Variants in RAPH1 observed in about 807,000 individuals in gnomAD.
The protein encoded by RAPH1 is Ras association (RalGDS/AF-6) and pleckstrin homology domains 1.
RAPH1 carries 18 observed loss-of-function variants against 88.1 expected under a neutral mutation model. That is an observed-to-expected ratio of 0.20 (90% CI 0.14 to 0.30). The LOEUF (loss-of-function observed/expected upper bound fraction) is 0.30, where lower values mean the gene tolerates loss of function less well. RAPH1 is among the 10% of genes least tolerant of loss of function. The pLI, the probability that RAPH1 is intolerant of heterozygous loss-of-function variation, is 1.00. For missense variants in RAPH1, 1,448 were observed against 1,543.2 expected (o/e 0.94, Z 1.03); for synonymous variants, 587 against 559.0 (o/e 1.05, Z -0.71).
chr2:203,525,339 CCAT>C (rs533798729), intron 1 of RAPH1, among the ~76,000 whole-genome samples: 114 of 152,166 alleles, frequency 7.5e-4, no homozygotes, highest in African/African-American at 2.6e-3. Flanking sequence ...GCGCCCACCA[CCAT>C]GCCAATTTTT....
In RAPH1 at chr2:203,440,120, G is replaced by A. The variant is rs371156191; in HGVS notation, c.3070C>T (p.Pro1024Ser). ...SKETLPPPAA[P>S]PKPGKLNLSG... ...AGATTGAGTTTTCCAGGCTTGGGGGGTGCTGCAGGAGGTGGTAGGGTCTCC... is the reference window on the plus strand; with the variant it reads ...AGATTGAGTTTTCCAGGCTTGGGGGATGCTGCAGGAGGTGGTAGGGTCTCC... Residue 1024 changes from proline (P) to serine (S), a missense_variant, in exon 14 of 14, where the codon CCC (proline) becomes TCC (serine). By Grantham distance (74) the Pro-to-Ser change is moderately conservative (BLOSUM62 -1). Around this residue, in one of 2 missense-constraint regions of RAPH1, gnomAD observed 935 missense variants for 890.1 expected, o/e 1.05. Transcript: ENST00000319170. 1.2e-6 allele frequency: 2 copies of A among 1,613,490 alleles called. No individual in the cohort carries two copies. Among genetic ancestry groups the A allele is most frequent in the South Asian group, 1.1e-5 (1 of 91,082 alleles).
chr2:203,453,414 C>T (rs560487230), intron 10 of RAPH1, among the ~76,000 whole-genome samples: 40 of 151,852 alleles, frequency 2.6e-4, no homozygotes, highest in African/African-American at 9.7e-4. Context: ...GGTGTGGTGG[C>T]ATGCACCTCA....
chr2:203,530,163 C>T (rs1287445340), intron 1 of RAPH1, among the ~76,000 whole-genome samples: 1 of 152,090 alleles, frequency 6.6e-6, no homozygotes, highest in African/African-American at 2.4e-5. Context: ...ATGAAAAATA[C>T]CTTAATAGCA....
chr2:203,482,832 A>AAAAC (rs371640665), intron 4 of RAPH1, among the ~76,000 whole-genome samples: 81 of 115,804 alleles, frequency 7.0e-4, no homozygotes, highest in African/African-American at 3.4e-3. Context: ...AAAACAAAAC[A>AAAAC]AAAAAAAGGT....
intron 4 of RAPH1, among the ~76,000 whole-genome samples, chr2:203,464,343 C>T (rs1333515564): frequency 6.6e-6 from 1 of 152,216 alleles, no homozygotes; most frequent in Admixed American, 6.5e-5. Flanking sequence ...ATGATCTTGG[C>T]TCACTGCAAC....
At chr2:203,529,959 C>T (rs912170330) in intron 1 of RAPH1, among the ~76,000 whole-genome samples, 2 of 152,150 alleles carry the variant, frequency 1.3e-5, no homozygotes, top group African/African-American at 4.8e-5. Context: ...ACTGATTCCT[C>T]GTATTTTATA....
At chr2:203,472,375 G>A (rs1047935964) in intron 4 of RAPH1, among the ~76,000 whole-genome samples, 4 of 152,070 alleles carry the variant, frequency 2.6e-5, no homozygotes, top group African/African-American at 4.8e-5. Flanking sequence ...AAGGTGATCC[G>A]CCCGCCTTGG....
intron 2 of RAPH1, 148 bp from the exon 3 acceptor site, chr2:203,491,467 T>C: frequency 3.7e-6 from 2 of 538,114 alleles, no homozygotes; most frequent in Non-Finnish European, 6.5e-6. Flanking sequence ...AGGAAAAGTA[T>C]AATTGTATTT....
At position 203,439,671 on chromosome 2, in the gene RAPH1, C is replaced by G. The variant is rs2098501476; in HGVS notation, c.3519G>C (p.Leu1173=). The change falls in exon 14 of 14, where the codon CTG becomes CTC. Residue 1173 remains leucine (L), a synonymous_variant. Coordinates refer to ENST00000319170, the MANE Select transcript of RAPH1 (RefSeq NM_213589.3). ...PGFLADLNRT[L]QRKSITRHGS... is the part of the protein sequence containing the mutation. ...CGTGCCGAGTGATGGACTTTCGTTG[C>G]AGTGTCCTGTTGAGGTCAGCCAGGA... 1 of 1,614,082 alleles carries G rather than the reference C, an allele frequency of 6.2e-7. No homozygotes were observed. Among genetic ancestry groups the G allele is most frequent in the Non-Finnish European group, 8.5e-7 (1 of 1,180,016 alleles).
At chr2:203,488,835 A>C (rs1688110464) in intron 4 of RAPH1, among the ~76,000 whole-genome samples, 1 of 151,960 alleles carries the variant, frequency 6.6e-6, no homozygotes, top group Admixed American at 6.6e-5. Flanking sequence ...TCAATAATGA[A>C]ATGGAGGGCC....
In RAPH1 at chr2:203,434,231, A is replaced by ACAT. The variant is rs1216988802; in HGVS notation, c.*5203_*5205dup. ...TGAATAATAATGTCCTCTACCTGGT[A>ACAT]CATTATAATGAAGTTCCTTGTCTTC... is the stretch of plus-strand genomic sequence containing the variant. On this transcript the variant is annotated 3_prime_UTR_variant, in exon 14 of 14. Transcript: ENST00000319170. 1.3e-5 allele frequency: 2 copies of ACAT among 152,580 alleles called. No individual in the cohort carries two copies. Among genetic ancestry groups the ACAT allele is most frequent in the African/African-American group, 4.8e-5 (2 of 41,426 alleles). The allele number at this position is 152,580 out of a possible 1,614,324, so 9.5% of individuals were successfully genotyped here.
At chr2:203,500,142 T>C (rs543351120) in intron 1 of RAPH1, among the ~76,000 whole-genome samples, 1 of 152,140 alleles carries the variant, frequency 6.6e-6, no homozygotes, top group African/African-American at 2.4e-5. Context: ...TATAATCTAG[T>C]AGGGAACAGA....
intron 10 of RAPH1, among the ~76,000 whole-genome samples, chr2:203,449,647 A>G (rs1346756377): frequency 1.3e-5 from 2 of 152,206 alleles, no homozygotes; most frequent in Non-Finnish European, 2.9e-5. Flanking sequence ...TATGAACACC[A>G]CATCTCTTTT....
chr2:203,440,602 T>C lies in RAPH1; in HGVS notation c.2588A>G (p.Lys863Arg), dbSNP rs758856287. 1 of 1,555,244 alleles carries C rather than the reference T, an allele frequency of 6.4e-7. No individual in the cohort carries two copies. The highest frequency in any genetic ancestry group is 8.7e-7 in the Non-Finnish European group (1 of 1,150,112). Residue 863 changes from lysine to arginine, a missense_variant, in exon 14 of 14, where the codon AAG becomes AGG. Physicochemically the swap from Lys to Arg is conservative, Grantham distance 26. Coordinates refer to ENST00000319170, the MANE Select transcript of RAPH1 (RefSeq NM_213589.3). ...SPLSPVPSVV[K>R]QIASQFPPPP... is the part of the protein sequence containing the mutation. The stretch of plus-strand genomic sequence containing the variant: ...GGGTGGAAACTGGCTGGCTATCTGC[T>C]TCACGACCGAGGGCACCGGTGACAG...
rs1211725608 is a variant in RAPH1, at chr2:203,490,028, T to C, written c.288A>G (p.Ile96Met). 1 of 1,614,240 alleles carries C rather than the reference T, an allele frequency of 6.2e-7. No homozygotes were observed. Among genetic ancestry groups the C allele is most frequent in the Admixed American group, 1.7e-5 (1 of 60,032 alleles). Residue 96 changes from isoleucine (I) to methionine (M), a missense_variant, in exon 4 of 14, where the codon ATA becomes ATG. Transcript: ENST00000319170. ...AACCAATGCTGCTGAGCTCCTGCTC[T>C]ATAGAGCAAAGATCAGCCATCAAGG... ...LDALMADLCS[I>M]EQELSSIGSG... is the part of the protein sequence containing the mutation.
chr2:203,502,134 G>T (rs1269922541), intron 1 of RAPH1, among the ~76,000 whole-genome samples: 1 of 152,196 alleles, frequency 6.6e-6, no homozygotes, highest in Non-Finnish European at 1.5e-5. Flanking sequence ...AAGCAAGCCT[G>T]AATTAACTAG....
At position 203,463,530 on chromosome 2, in the gene RAPH1, G is replaced by C. The variant is rs1224024873; in HGVS notation, c.733-1605C>G. 1.3e-5 allele frequency among the ~76,000 whole-genome samples: 2 copies of C among 152,178 alleles called. 1 individual carries two copies. The highest frequency in any genetic ancestry group is 4.1e-4 in the South Asian group (2 of 4,830). ...TTGTGGAACAGAGAAGAAAACAGTGGTTAGGGAAGGCAGTGGGCTTGGTTG... is the reference window on the plus strand; with the variant it reads ...TTGTGGAACAGAGAAGAAAACAGTGCTTAGGGAAGGCAGTGGGCTTGGTTG... On this transcript the variant is annotated intron_variant, in intron 4 of 13. Coordinates refer to ENST00000319170, the MANE Select transcript of RAPH1 (RefSeq NM_213589.3).
intron 1 of RAPH1, among the ~76,000 whole-genome samples, chr2:203,534,814 C>T (rs1271079548): frequency 6.6e-6 from 1 of 152,058 alleles, no homozygotes; most frequent in Non-Finnish European, 1.5e-5. Flanking sequence ...GAAGCCTAAC[C>T]GCACCCTCCC....
intron 1 of RAPH1, among the ~76,000 whole-genome samples, chr2:203,516,492 G>A (rs956360632): frequency 2.6e-5 from 4 of 152,242 alleles, no homozygotes; most frequent in Admixed American, 6.5e-5. Flanking sequence ...GCTCACGCCT[G>A]TAATCCCAGA....
Sources: gnomAD v4.1 joint callset for allele counts (sites outside exome capture counted in the v4.1 genomes callset) on GRCh38, gnomAD v4.1.1 for gene constraint, gnomAD v4.1.1 regional missense constraint, MANE v1.5 for transcripts, NCBI Gene and HGNC (gene_info 2026-07-23, HGNC 2026-07-21) for gene names.